Variants in GABRA4 observed in about 807,000 individuals in gnomAD.
The protein encoded by GABRA4 is gamma-aminobutyric acid receptor subunit alpha-4.
GABRA4 carries 12 observed loss-of-function variants against 49.7 expected under a neutral mutation model. That is an observed-to-expected ratio of 0.24 (90% CI 0.15 to 0.39). The LOEUF is 0.39. GABRA4 is among the 10% of genes least tolerant of loss of function. GABRA4 has a pLI of 1.00. For missense variants in GABRA4, 506 were observed against 686.0 expected (o/e 0.74, Z 2.93); for synonymous variants, 288 against 240.2 (o/e 1.20, Z -1.84).
intron 7 of GABRA4, 123 bp from the exon 8 acceptor site, chr4:46,965,352 A>G: frequency 2.8e-6 from 2 of 722,224 alleles, no homozygotes; most frequent in East Asian, 3.0e-5. Context: ...ACAATAACTC[A>G]AAGAAAACCA....
chr4:46,955,749 A>G (rs1298659907), intron 8 of GABRA4, among the ~76,000 whole-genome samples: 1 of 152,076 alleles, frequency 6.6e-6, no homozygotes, highest in Non-Finnish European at 1.5e-5. Context: ...GACAGGTTTA[A>G]GGTGGCAGTA....
In GABRA4 at chr4:46,950,737, A is replaced by AATTAATTAATT. The variant is rs1553903644; in HGVS notation, c.1134+14232_1134+14233insAATTAATTAAT. Among the ~76,000 whole-genome samples the AATTAATTAATT allele has an allele frequency of 5.3e-3, 662 of 125,272 alleles. 3 individuals are homozygous for AATTAATTAATT. Among genetic ancestry groups the AATTAATTAATT allele is most frequent in the South Asian group, 0.017 (59 of 3,482 alleles). 82.2% of individuals were successfully genotyped at this position (125,272 alleles called of 152,430 possible). On this transcript the variant is annotated intron_variant, in intron 8 of 8. Transcript: ENST00000264318. Reference sequence around the variant, plus strand: ...TAAGAAAATAAATAAATAAATAAATAAATAAATAAATTACTATATGCTTGT... The same window carrying AATTAATTAATT: ...TAAGAAAATAAATAAATAAATAAATAATTAATTAATTAATAAATAAATTACTATATGCTTGT...
At chr4:46,950,113 C>T (rs1457809924) in intron 8 of GABRA4, among the ~76,000 whole-genome samples, 1 of 152,114 alleles carries the variant, frequency 6.6e-6, no homozygotes, top group East Asian at 1.9e-4. Context: ...AAGGCTTTAG[C>T]ACAGTGGGTT....
intron 4 of GABRA4, 123 bp from the exon 5 acceptor site, chr4:46,977,266 AAGGAAGGGAAGG>A (rs1723169368): frequency 1.2e-5 from 5 of 430,876 alleles, no homozygotes; most frequent in Admixed American, 4.4e-5. Flanking sequence ...AAAAGGAAGG[AAGGAAGGGAAGG>A]AGGAAGGGAG....
At chr4:46,960,685 A>C (rs1414674638) in intron 8 of GABRA4, among the ~76,000 whole-genome samples, 2 of 151,676 alleles carry the variant, frequency 1.3e-5, no homozygotes, top group Admixed American at 6.6e-5. Flanking sequence ...AATTATAATA[A>C]TATTACATAT....
chr4:46,972,621 C>T (rs1057391359), intron 6 of GABRA4, among the ~76,000 whole-genome samples: 8 of 151,444 alleles, frequency 5.3e-5, no homozygotes, highest in Non-Finnish European at 1.0e-4. Context: ...CATTTGAGAC[C>T]TATTCTCTCA....
intron 2 of GABRA4, among the ~76,000 whole-genome samples, chr4:46,992,518 C>T (rs1723793499): frequency 6.6e-6 from 1 of 152,114 alleles, no homozygotes; most frequent in Non-Finnish European, 1.5e-5. Flanking sequence ...CAGCGAAGAG[C>T]GTCCAGGCAG....
intron 7 of GABRA4, among the ~76,000 whole-genome samples, chr4:46,965,610 A>G (rs991636818): frequency 1.3e-5 from 2 of 150,964 alleles, no homozygotes; most frequent in Non-Finnish European, 2.9e-5. Context: ...AACGGACTCA[A>G]CAGACACACA....
chr4:46,961,999 A>C (rs1722592544), intron 8 of GABRA4, among the ~76,000 whole-genome samples: 1 of 151,924 alleles, frequency 6.6e-6, no homozygotes, highest in South Asian at 2.1e-4. Flanking sequence ...CTGATGTGTC[A>C]AATGTAAAAT....
intron 2 of GABRA4, among the ~76,000 whole-genome samples, chr4:46,981,961 C>T (rs978693641): frequency 2.6e-5 from 4 of 151,882 alleles, no homozygotes; most frequent in Non-Finnish European, 5.9e-5. Flanking sequence ...AGAAAGGAGG[C>T]CAGTGGGGCT....
At chr4:46,967,279 C>T (rs1722796473) in intron 7 of GABRA4, among the ~76,000 whole-genome samples, 3 of 151,138 alleles carry the variant, frequency 2.0e-5, no homozygotes, top group Admixed American at 6.6e-5. Context: ...ATTCTACACA[C>T]ACCATAGTGT....
At chr4:46,947,726 A>G (rs533207693) in intron 8 of GABRA4, among the ~76,000 whole-genome samples, 1 of 152,220 alleles carries the variant, frequency 6.6e-6, no homozygotes, top group African/African-American at 2.4e-5. Context: ...AGCAAGAGGC[A>G]GAGTCATTAT....
intron 8 of GABRA4, among the ~76,000 whole-genome samples, chr4:46,950,745 A>AAATTAATTAATTAATT (rs1021918729): frequency 4.2e-4 from 63 of 151,224 alleles, no homozygotes; most frequent in South Asian, 3.3e-3. Context: ...ATAAATAAAT[A>AAATTAATTAATTAATT]AATTACTATA....
At chr4:46,976,555 A>T (rs1309457019) in intron 5 of GABRA4, among the ~76,000 whole-genome samples, 1 of 151,610 alleles carries the variant, frequency 6.6e-6, no homozygotes, top group African/African-American at 2.4e-5. Context: ...TGTTATGCTA[A>T]CAGTGCTGCT....
chr4:46,969,732 G>C (rs1489417522), intron 7 of GABRA4, among the ~76,000 whole-genome samples: 1 of 151,362 alleles, frequency 6.6e-6, no homozygotes, highest in South Asian at 2.1e-4. Flanking sequence ...ATAATTTTAT[G>C]AATGGAGAAA....
chr4:46,976,467 A>G (rs1723144387), intron 5 of GABRA4, among the ~76,000 whole-genome samples: 2 of 151,298 alleles, frequency 1.3e-5, no homozygotes, highest in South Asian at 2.1e-4. Context: ...ATAGAATCCA[A>G]ACTCCTTAAT....
At chr4:46,986,779 C>A (rs1392373267) in intron 2 of GABRA4, among the ~76,000 whole-genome samples, 1 of 152,126 alleles carries the variant, frequency 6.6e-6, no homozygotes, top group African/African-American at 2.4e-5. Context: ...ACTTCTGGCA[C>A]AGTCTTGACA....
At chr4:46,987,511 A>T (rs1400904773) in intron 2 of GABRA4, among the ~76,000 whole-genome samples, 2 of 152,126 alleles carry the variant, frequency 1.3e-5, no homozygotes, top group Non-Finnish European at 2.9e-5. Flanking sequence ...GAAATCGTGC[A>T]GTCCTCCCCA....
rs2109926449 is a variant in GABRA4 at position 46,920,567 on chromosome 4, C to CA, written c.*7657dup. The CA allele has an allele frequency of 6.6e-6, 1 of 151,590 alleles. No homozygotes were observed. Among genetic ancestry groups the CA allele is most frequent in the Non-Finnish European group, 1.5e-5 (1 of 67,648 alleles). The allele number at this position is 151,590 out of a possible 1,614,324, so 9.4% of individuals were successfully genotyped here. On this transcript the variant is annotated 3_prime_UTR_variant, in exon 9 of 9. Coordinates refer to ENST00000264318, the MANE Select transcript of GABRA4 (RefSeq NM_000809.4). ...ATATTCATATATGATCTGCAAAATT[C>CA]AAGGGAGAATTTTTATCAAATTGTG...
Sources: allele counts gnomAD v4.1 joint callset (sites outside exome capture counted in the v4.1 genomes callset), GRCh38; gene constraint gnomAD v4.1.1; transcripts MANE v1.5; gene names NCBI Gene and HGNC (gene_info 2026-07-23, HGNC 2026-07-21).